DYNC2I1: variants seen among roughly 807,000 people sequenced by gnomAD.
DYNC2I1 encodes dynein 2 intermediate chain 1, also known as cytoplasmic dynein 2 intermediate chain 1.
In DYNC2I1, 89 loss-of-function variants were observed where a neutral mutation model predicts 133.4. The ratio of observed to expected loss-of-function variants is 0.67; its 90% CI spans 0.56 to 0.80. The LOEUF (loss-of-function observed/expected upper bound fraction) is 0.80. Among genes scored for constraint, DYNC2I1 ranks in the 30% least tolerant of loss-of-function variants. DYNC2I1 has a pLI of 0.00. For synonymous variants in DYNC2I1, 504 were observed against 484.3 expected, an observed-to-expected ratio of 1.04 and a Z score of -0.54; for missense variants, 1,291 against 1,314.5, an observed-to-expected ratio of 0.98 and a Z score of 0.28.
In DYNC2I1 at chr7:158,899,975, T is replaced by C. The variant is rs536922764; in HGVS notation, c.1060-1764T>C. Among the ~76,000 whole-genome samples the C allele has an allele frequency of 8.9e-4, 135 of 152,342 alleles. 1 individual carries two copies. Among genetic ancestry groups the C allele is most frequent in the African/African-American group, 3.2e-3 (132 of 41,574 alleles). On this transcript the variant is annotated intron_variant, in intron 8 of 24. Coordinates refer to ENST00000407559, the MANE Select transcript of DYNC2I1 (RefSeq NM_018051.5). ...TCCCTCAATTTTGTTTGAAAGTCTT[T>C]ATTTCTCCTTCACTTTGGAAGCATA...
intron 2 of DYNC2I1, among the ~76,000 whole-genome samples, chr7:158,870,410 G>A (rs1057442002): frequency 2.0e-5 from 3 of 152,084 alleles, no homozygotes; most frequent in Non-Finnish European, 4.4e-5. Context: ...CCGGAGTGCA[G>A]TGGCGAAATC....
Position 158,856,692 on chromosome 7 carries a change from G to T in DYNC2I1, c.-44G>T. 8.1e-7 allele frequency: 1 copy of T among 1,232,402 alleles called. No individual in the cohort carries two copies. Among genetic ancestry groups the T allele is most frequent in the Non-Finnish European group, 1.0e-6 (1 of 986,980 alleles). The allele number at this position is 1,232,402 out of a possible 1,614,324, so 76.3% of individuals were successfully genotyped here. On this transcript the variant is annotated 5_prime_UTR_variant, in exon 1 of 25. Transcript: ENST00000407559. Reference sequence around the variant, plus strand: ...GCCTCTTCGGGGTGGACCGCGCCTGGCCGGGGCCGAGGACACCGCGGCCGC... The same window carrying T: ...GCCTCTTCGGGGTGGACCGCGCCTGTCCGGGGCCGAGGACACCGCGGCCGC...
intron 14 of DYNC2I1, among the ~76,000 whole-genome samples, chr7:158,915,420 CGT>C (rs1848011927): frequency 1.4e-4 from 18 of 128,192 alleles, no homozygotes; most frequent in African/African-American, 2.4e-4. Flanking sequence ...GATTGTGAAA[CGT>C]CGACACGCTG....
chr7:158,884,425 G>GTT (rs2129479984), intron 5 of DYNC2I1, 139 bp from the exon 6 acceptor site: 1 of 621,296 alleles, frequency 1.6e-6, no homozygotes, highest in African/African-American at 1.9e-5. Flanking sequence ...GGTAAAAATA[G>GTT]TTATTTTAAA....
downstream of DYNC2I1, among the ~76,000 whole-genome samples, chr7:158,949,235 TACAGAGTCAC>T (rs1851978845): frequency 6.6e-6 from 1 of 152,254 alleles, no homozygotes; most frequent in African/African-American, 2.4e-5. Context: ...TCTCTGAAGA[TACAGAGTCAC>T]ACATAGTCAC....
At chr7:158,937,017 A>G (rs1850827342) in intron 23 of DYNC2I1, among the ~76,000 whole-genome samples, 1 of 152,220 alleles carries the variant, frequency 6.6e-6, no homozygotes, top group Non-Finnish European at 1.5e-5. Context: ...GCAAACAGGG[A>G]ATCATGACCT....
At chr7:158,879,624 G>A (rs1258708559) in intron 4 of DYNC2I1, 60 bp from the exon 5 acceptor site, 89 of 1,495,894 alleles carry the variant, frequency 5.9e-5, no homozygotes, top group Non-Finnish European at 7.4e-5. Flanking sequence ...CAGAGAGGGA[G>A]GGCTGGCTGC....
intron 3 of DYNC2I1, 98 bp downstream of exon 3, chr7:158,871,660 G>A (rs1026597054): frequency 1.7e-5 from 22 of 1,306,914 alleles, no homozygotes; most frequent in South Asian, 3.1e-5. Flanking sequence ...TCTCTCCCCC[G>A]CTTCCCTCCT....
intron 8 of DYNC2I1, among the ~76,000 whole-genome samples, chr7:158,894,515 A>G (rs994093325): frequency 6.6e-6 from 1 of 152,176 alleles, no homozygotes; most frequent in African/African-American, 2.4e-5. Context: ...GTGTCTCTTC[A>G]AGGCTTTTAA....
chr7:158,892,160 T>G (rs1268269485), intron 8 of DYNC2I1, among the ~76,000 whole-genome samples: 6 of 152,150 alleles, frequency 3.9e-5, no homozygotes, highest in African/African-American at 1.4e-4. Context: ...GTTTGCAGAG[T>G]AAATGAACTG....
chr7:158,902,242 T>C lies in DYNC2I1; in HGVS notation c.1138-134T>C, dbSNP rs534202522. On this transcript the variant is annotated intron_variant, in intron 9 of 24. Coordinates refer to ENST00000407559, the MANE Select transcript of DYNC2I1 (RefSeq NM_018051.5). ...TTCAAAAACATTAAAATCAGGGAAC[T>C]ATAAATATCTTTCTTAGCTGTAATA... The C allele has an allele frequency of 3.3e-4, 241 of 730,542 alleles. No homozygotes were observed. The African/African-American group carries it at 4.0e-3, about 12-fold the overall frequency. 45.3% of individuals were successfully genotyped at this position (730,542 alleles called of 1,614,324 possible).
chr7:158,897,619 G>C (rs1585075811), intron 8 of DYNC2I1, among the ~76,000 whole-genome samples: 2 of 152,030 alleles, frequency 1.3e-5, no homozygotes, highest in South Asian at 4.1e-4. Flanking sequence ...TAGTAATTTG[G>C]ATCCACTTTC....
chr7:158,909,330 C>CAAAAAAAAA (rs66565045), intron 11 of DYNC2I1, among the ~76,000 whole-genome samples: 2 of 46,726 alleles, frequency 4.3e-5, no homozygotes, highest in Non-Finnish European at 4.9e-5. Context: ...GACTCTGTCT[C>CAAAAAAAAA]AAAAAAAAAA....
chr7:158,944,496 T>G (rs904876618), intron 24 of DYNC2I1, among the ~76,000 whole-genome samples: 1 of 152,214 alleles, frequency 6.6e-6, no homozygotes, highest in Non-Finnish European at 1.5e-5. Context: ...TTGCCCATGC[T>G]TTACACACGC....
In DYNC2I1 at chr7:158,902,466, C is replaced by G. The variant is rs866385885; in HGVS notation, c.1228C>G (p.Leu410Val). ...AAGAGAAAAACTGGAAGAACTTCCT[C>G]TAGCTCAAAAAAAGGAAATACAAGA... is the stretch of plus-strand genomic sequence containing the variant. Reference protein sequence around the residue: ...ESREKLEELPLAQKKEIQEIQ... With the variant: ...ESREKLEELPVAQKKEIQEIQ... The change falls in exon 10 of 25, where the codon CTA becomes GTA. Residue 410 changes from leucine to valine, a missense_variant. Leu to Val is a conservative substitution (Grantham distance 32, BLOSUM62 1). Transcript: ENST00000407559. 2.5e-6 allele frequency: 4 copies of G among 1,613,706 alleles called. No individual in the cohort carries two copies. Among genetic ancestry groups the G allele is most frequent in the East Asian group, 2.2e-5 (1 of 44,896 alleles).
Position 158,913,070 on chromosome 7 carries a change from C to T in DYNC2I1, c.1676C>T (p.Pro559Leu), listed in dbSNP as rs187658316. 3.4e-4 allele frequency: 556 copies of T among 1,613,222 alleles called. No homozygotes were observed. The highest frequency in any genetic ancestry group is 4.5e-4 in the Non-Finnish European group (533 of 1,179,494). Residue 559 changes from proline to leucine, a missense_variant, in exon 13 of 25, where the codon CCG (proline) becomes CTG (leucine). Coordinates refer to ENST00000407559, the MANE Select transcript of DYNC2I1 (RefSeq NM_018051.5). ...ACCAGGGAAGTGTGGACCCAGCACC[C>T]GGGAGAAAGTACTGTTGTATCTGGA... Reference protein sequence around the residue: ...IETREVWTQHPGESTVVSGGS... With the variant: ...IETREVWTQHLGESTVVSGGS...
chr7:158,877,970 C>T (rs1015001158), intron 4 of DYNC2I1, among the ~76,000 whole-genome samples: 1 of 152,208 alleles, frequency 6.6e-6, no homozygotes, highest in African/African-American at 2.4e-5. Flanking sequence ...GGGCCACCAG[C>T]ATGAGGGATG....
chr7:158,932,686 G>C (rs1850345225), intron 21 of DYNC2I1, among the ~76,000 whole-genome samples: 1 of 152,156 alleles, frequency 6.6e-6, no homozygotes, highest in South Asian at 2.1e-4. Flanking sequence ...CGTAAGTTGG[G>C]AACAGAGGAA....
Position 158,869,888 on chromosome 7 carries a change from G to A in DYNC2I1, c.49G>A (p.Asp17Asn), listed in dbSNP as rs374477653. 4.1e-5 allele frequency: 66 copies of A among 1,613,448 alleles called. 1 individual carries two copies. The highest frequency in any genetic ancestry group is 5.3e-5 in the Non-Finnish European group (63 of 1,179,548). Residue 17 changes from aspartate (D) to asparagine (N), a missense_variant, in exon 2 of 25, where the codon GAC (aspartate) becomes AAC (asparagine). By Grantham distance (23) the Asp-to-Asn change is conservative. Coordinates refer to ENST00000407559, the MANE Select transcript of DYNC2I1 (RefSeq NM_018051.5). The part of the protein sequence containing the change: ...RTKDDTWKAD[D>N]LRKHLWAIQS... The stretch of plus-strand genomic sequence containing the variant: ...CAAAGATGATACCTGGAAAGCAGAT[G>A]ACCTCAGAAAACATCTCTGGGTAAT...
Sources: allele counts gnomAD v4.1 joint callset (sites outside exome capture counted in the v4.1 genomes callset), GRCh38; gene constraint gnomAD v4.1.1; transcripts MANE v1.5; gene names NCBI Gene and HGNC (gene_info 2026-07-23, HGNC 2026-07-21).